IQCM: variants seen among roughly 807,000 people sequenced by gnomAD.
IQCM encodes IQ domain-containing protein M.
Under a neutral mutation model 57.6 loss-of-function variants are expected in IQCM, and 45 were observed. That is an observed-to-expected ratio of 0.78 (90% confidence interval 0.62 to 1.00). The LOEUF (loss-of-function observed/expected upper bound fraction) is 1.00, where lower values mean the gene tolerates loss of function less well. IQCM is among the 50% of genes least tolerant of loss of function. IQCM has a pLI of 0.00. For synonymous variants in IQCM, 148 were observed against 158.9 expected (o/e 0.93, Z 0.51); for missense variants, 468 against 511.6 (o/e 0.91, Z 0.82).
chr4:149,378,962 C>T (rs376203619), intron 13 of IQCM, among the ~76,000 whole-genome samples: 37 of 152,298 alleles, frequency 2.4e-4, no homozygotes, highest in African/African-American at 8.2e-4. Context: ...TGGTGCCCTG[C>T]ATCTCTGCCA....
chr4:149,548,648 T>G (rs1748701326), intron 11 of IQCM, 59 bp from the exon 12 acceptor site: 6 of 847,922 alleles, frequency 7.1e-6, no homozygotes, highest in Non-Finnish European at 9.4e-6. Flanking sequence ...AAGTAAAAAC[T>G]TTAACTCTAG....
chr4:149,505,668 A>C (rs940516802), intron 12 of IQCM, among the ~76,000 whole-genome samples: 1 of 152,198 alleles, frequency 6.6e-6, no homozygotes, highest in Non-Finnish European at 1.5e-5. Context: ...ATATAATCAC[A>C]CCATCAAACA....
rs564161761 is a variant in IQCM at position 149,669,715 on chromosome 4, A to T, written c.565+12403T>A. Among the ~76,000 whole-genome samples, 13 of 152,274 alleles carry T rather than the reference A, an allele frequency of 8.5e-5. 1 individual carries two copies. The South Asian group carries it at 2.7e-3, about 32-fold the overall frequency. On this transcript the variant is annotated intron_variant, in intron 7 of 13. Coordinates refer to ENST00000636793, the MANE Select transcript of IQCM (RefSeq NM_001363507.2). The stretch of plus-strand genomic sequence containing the variant: ...CATATGGCTAGCCGGTTTTCCCAGC[A>T]CCATTTATTAAATAGGGAATCCTTT...
At chr4:149,753,382 T>C (rs893954053) in intron 2 of IQCM, among the ~76,000 whole-genome samples, 4 of 151,984 alleles carry the variant, frequency 2.6e-5, no homozygotes, top group Admixed American at 6.6e-5. Flanking sequence ...AATAGAGATA[T>C]GAAATAGAAC....
chr4:149,714,458 G>T (rs1393736188), intron 5 of IQCM, among the ~76,000 whole-genome samples: 1 of 152,024 alleles, frequency 6.6e-6, no homozygotes, highest in African/African-American at 2.4e-5. Context: ...TCCAAATCCA[G>T]ATATCCAACT....
intron 12 of IQCM, among the ~76,000 whole-genome samples, chr4:149,465,974 T>C (rs1408116671): frequency 6.6e-6 from 1 of 152,108 alleles, no homozygotes; most frequent in African/African-American, 2.4e-5. Flanking sequence ...GAGAAGTGCA[T>C]ATTGAAACAG....
chr4:149,642,394 A>G (rs1250020804), intron 7 of IQCM, among the ~76,000 whole-genome samples: 1 of 152,154 alleles, frequency 6.6e-6, no homozygotes. Flanking sequence ...TTTCATACCC[A>G]TTGGTGTGTA....
chr4:149,763,556 C>T (rs545495446), intron 2 of IQCM, among the ~76,000 whole-genome samples: 1 of 152,234 alleles, frequency 6.6e-6, no homozygotes, highest in East Asian at 1.9e-4. Context: ...CAGAGTATGA[C>T]TGTTACTACG....
chr4:149,513,320 GTTC>G, intron 12 of IQCM, among the ~76,000 whole-genome samples: 1 of 152,054 alleles, frequency 6.6e-6, no homozygotes, highest in Non-Finnish European at 1.5e-5. Flanking sequence ...TCATCCTTAT[GTTC>G]TTCTTGTCAA....
chr4:149,462,344 A>G (rs1738391885), intron 12 of IQCM, among the ~76,000 whole-genome samples: 1 of 152,224 alleles, frequency 6.6e-6, no homozygotes, highest in Non-Finnish European at 1.5e-5. Flanking sequence ...TTCTTCAGAA[A>G]GAAAATGACT....
chr4:149,356,146 C>T (rs547776916), intron 13 of IQCM, among the ~76,000 whole-genome samples: 4 of 152,142 alleles, frequency 2.6e-5, no homozygotes, highest in Non-Finnish European at 4.4e-5. Flanking sequence ...GGATATTAGC[C>T]GTTTGTCAGA....
At chr4:149,466,572 A>C (rs1738880809) in intron 12 of IQCM, among the ~76,000 whole-genome samples, 1 of 152,242 alleles carries the variant, frequency 6.6e-6, no homozygotes, top group Non-Finnish European at 1.5e-5. Flanking sequence ...AAATGCAGAC[A>C]GCCATGATAG....
chr4:149,503,922 A>G (rs143675030), intron 12 of IQCM, among the ~76,000 whole-genome samples: 8 of 152,278 alleles, frequency 5.3e-5, no homozygotes, highest in African/African-American at 1.4e-4. Flanking sequence ...AAGCATTTAA[A>G]GAGCATTTCC....
At chr4:149,422,604 T>C (rs1734192104) in intron 13 of IQCM, among the ~76,000 whole-genome samples, 1 of 152,080 alleles carries the variant, frequency 6.6e-6, no homozygotes, top group South Asian at 2.1e-4. Flanking sequence ...ATTGTGCATG[T>C]GCGTGTGTGT....
chr4:149,716,117 G>A (rs899514475), intron 5 of IQCM, among the ~76,000 whole-genome samples: 3 of 152,194 alleles, frequency 2.0e-5, no homozygotes, highest in Admixed American at 6.5e-5. Context: ...GAGCCTGTCT[G>A]CCTCCTGCTG....
intron 12 of IQCM, among the ~76,000 whole-genome samples, chr4:149,470,154 C>A (rs1410489934): frequency 6.6e-6 from 1 of 152,072 alleles, no homozygotes; most frequent in Non-Finnish European, 1.5e-5. Flanking sequence ...GGGCTAAATG[C>A]TCCAATTTAA....
intron 12 of IQCM, among the ~76,000 whole-genome samples, chr4:149,439,245 T>C (rs886797159): frequency 6.6e-6 from 1 of 152,086 alleles, no homozygotes; most frequent in African/African-American, 2.4e-5. Flanking sequence ...AAAGGTTCGC[T>C]TCTTCAGTGG....
chr4:149,461,448 T>C (rs1738276327), intron 12 of IQCM, among the ~76,000 whole-genome samples: 1 of 151,684 alleles, frequency 6.6e-6, no homozygotes, highest in Admixed American at 6.6e-5. Context: ...GATTAGAAAA[T>C]GTAAAAACAA....
At chr4:149,785,709 T>A (rs911736104) in intron 2 of IQCM, among the ~76,000 whole-genome samples, 3 of 152,116 alleles carry the variant, frequency 2.0e-5, no homozygotes, top group African/African-American at 7.2e-5. Context: ...GGCTTTTTTG[T>A]ACACATTTTT....
Sources: gnomAD v4.1 joint callset for allele counts (sites outside exome capture counted in the v4.1 genomes callset) on GRCh38, gnomAD v4.1.1 for gene constraint, MANE v1.5 for transcripts, NCBI Gene and HGNC (gene_info 2026-07-23, HGNC 2026-07-21) for gene names.